PLPPR4: variants seen among roughly 807,000 people sequenced by gnomAD.
PLPPR4 encodes phospholipid phosphatase-related protein type 4.
Under a neutral mutation model 56.6 loss-of-function variants are expected in PLPPR4, and 24 were observed. The ratio of observed to expected loss-of-function variants is 0.42; its 90% confidence interval spans 0.31 to 0.60. The LOEUF (loss-of-function observed/expected upper bound fraction) is 0.60. PLPPR4 is among the 20% of genes least tolerant of loss of function. PLPPR4 has a pLI of 0.13. For synonymous variants in PLPPR4, 326 were observed against 328.1 expected (o/e 0.99, Z 0.07); for missense variants, 654 against 885.8 (o/e 0.74, Z 3.32).
chr1:99,266,207 G>A (rs144458296), intron 1 of PLPPR4, among the ~76,000 whole-genome samples: 212 of 152,310 alleles, frequency 1.4e-3, no homozygotes, highest in African/African-American at 4.7e-3. Context: ...TGGCTAATCC[G>A]TGTAGTTTTG....
At chr1:99,284,576 C>G (rs1659416206) in intron 1 of PLPPR4, among the ~76,000 whole-genome samples, 1 of 151,008 alleles carries the variant, frequency 6.6e-6, no homozygotes, top group African/African-American at 2.4e-5. Context: ...CCACTGCGCC[C>G]AGAGAAAAAA....
intron 1 of PLPPR4, among the ~76,000 whole-genome samples, chr1:99,286,962 A>G (rs1659478347): frequency 6.6e-6 from 1 of 152,150 alleles, no homozygotes; most frequent in African/African-American, 2.4e-5. Flanking sequence ...CAGAATGTGC[A>G]GGTTTGTTAC....
intron 1 of PLPPR4, among the ~76,000 whole-genome samples, chr1:99,266,152 T>C (rs542106545): frequency 6.6e-6 from 1 of 152,346 alleles, no homozygotes; most frequent in Admixed American, 6.5e-5. Context: ...AATAGAAAGA[T>C]GAGATACCTG....
At chr1:99,284,924 A>T (rs368307646) in intron 1 of PLPPR4, among the ~76,000 whole-genome samples, 1 of 152,288 alleles carries the variant, frequency 6.6e-6, no homozygotes, top group South Asian at 2.1e-4. Context: ...AAAAGACTAA[A>T]CCTAGTTTAT....
intron 2 of PLPPR4, among the ~76,000 whole-genome samples, chr1:99,295,623 C>A (rs555790900): frequency 5.3e-5 from 8 of 152,274 alleles, no homozygotes; most frequent in Admixed American, 4.6e-4. Flanking sequence ...CTTTTAGGCA[C>A]AATTATCTCA....
At chr1:99,305,648 T>C in intron 6 of PLPPR4, 37 bp from the exon 7 acceptor site, 3 of 1,581,720 alleles carry the variant, frequency 1.9e-6, no homozygotes, top group Non-Finnish European at 2.6e-6. Context: ...GACTGTCTTC[T>C]AGTGCATGAT....
chr1:99,294,070 C>A (rs190931794), intron 2 of PLPPR4, among the ~76,000 whole-genome samples: 1 of 151,002 alleles, frequency 6.6e-6, no homozygotes, highest in African/African-American at 2.4e-5. Context: ...AATTCTGACA[C>A]CATACCTCAG....
intron 4 of PLPPR4, among the ~76,000 whole-genome samples, chr1:99,300,112 C>T (rs920811105): frequency 1.3e-5 from 2 of 151,922 alleles, no homozygotes; most frequent in South Asian, 4.1e-4. Context: ...GACCTATGTC[C>T]TCTATTTTTT....
chr1:99,292,011 C>T lies in PLPPR4; in HGVS notation c.264+3861C>T, dbSNP rs1456179. Among the ~76,000 whole-genome samples, 905 of 152,048 alleles carry T rather than the reference C, an allele frequency of 6.0e-3. 5 individuals carry two copies. Among genetic ancestry groups the T allele is most frequent in the African/African-American group, 0.02 (825 of 41,448 alleles). ...TGTATCATACTGTCACACCAGAAAGCGCTTATCCTAAAAGTGCTCAAAATT... is the reference window on the plus strand; with the variant it reads ...TGTATCATACTGTCACACCAGAAAGTGCTTATCCTAAAAGTGCTCAAAATT... On this transcript the variant is annotated intron_variant, in intron 2 of 6. Coordinates refer to ENST00000370185, the MANE Select transcript of PLPPR4 (RefSeq NM_014839.5).
chr1:99,271,996 T>C (rs1176268043), intron 1 of PLPPR4, among the ~76,000 whole-genome samples: 4 of 151,492 alleles, frequency 2.6e-5, no homozygotes, highest in Non-Finnish European at 4.4e-5. Context: ...AACATTTTGG[T>C]TTTCTAAGCT....
chr1:99,268,049 G>A (rs1658949835), intron 1 of PLPPR4, among the ~76,000 whole-genome samples: 1 of 152,134 alleles, frequency 6.6e-6, no homozygotes, highest in Non-Finnish European at 1.5e-5. Flanking sequence ...TTAGAGGCAG[G>A]GCTGGGTATT....
intron 2 of PLPPR4, among the ~76,000 whole-genome samples, chr1:99,291,533 A>G (rs1202748550): frequency 6.6e-6 from 1 of 152,204 alleles, no homozygotes; most frequent in African/African-American, 2.4e-5. Context: ...CCTAAATGCC[A>G]ATCAATTATA....
rs1316666645 is a variant in PLPPR4, at chr1:99,306,918, A to G, written c.2056A>G (p.Ile686Val). 1 of 1,614,144 alleles carries G rather than the reference A, an allele frequency of 6.2e-7. No individual in the cohort carries two copies. Residue 686 changes from isoleucine (I) to valine (V), a missense_variant, in exon 7 of 7, where the codon ATC (isoleucine) becomes GTC (valine). By Grantham distance (29) the Ile-to-Val change is conservative. Around this residue, in one of 2 missense-constraint regions of PLPPR4, gnomAD observed 468 missense variants for 554.3 expected, o/e 0.84. Coordinates refer to ENST00000370185, the MANE Select transcript of PLPPR4 (RefSeq NM_014839.5). The surrounding 1 kb of genome is among the most constrained non-coding windows in gnomAD (Gnocchi z 4.0). The part of the protein sequence containing the change: ...RDSTLRRKGN[I>V]ILIPERSNSP... The stretch of plus-strand genomic sequence containing the variant: ...CTCCACCCTGCGGAGAAAGGGCAAT[A>G]TCATTCTAATCCCTGAAAGAAGCAA...
At chr1:99,299,364 T>G in intron 4 of PLPPR4, 134 bp downstream of exon 4, 1 of 674,510 alleles carries the variant, frequency 1.5e-6, no homozygotes, top group Non-Finnish European at 2.5e-6. Flanking sequence ...CAATGATCTC[T>G]TCAATTACTA....
At chr1:99,278,057 G>A (rs913663567) in intron 1 of PLPPR4, among the ~76,000 whole-genome samples, 33 of 151,952 alleles carry the variant, frequency 2.2e-4, no homozygotes, top group African/African-American at 7.7e-4. Context: ...AAATTGTAGG[G>A]TAGCATTAAC....
upstream of PLPPR4, chr1:99,264,470 C>T (rs1405893816): frequency 4.6e-6 from 7 of 1,519,346 alleles, no homozygotes; most frequent in African/African-American, 5.6e-5. Flanking sequence ...CTGGCTCCAG[C>T]GGTGGCCGCG....
intron 1 of PLPPR4, among the ~76,000 whole-genome samples, chr1:99,278,578 C>T (rs373635892): frequency 1.6e-4 from 24 of 152,166 alleles, no homozygotes; most frequent in Middle Eastern, 6.8e-3. Context: ...TAGTCTCTAA[C>T]GGTTTAAAGA....
At chr1:99,268,121 A>G (rs1020166184) in intron 1 of PLPPR4, among the ~76,000 whole-genome samples, 1 of 152,246 alleles carries the variant, frequency 6.6e-6, no homozygotes, top group Non-Finnish European at 1.5e-5. Flanking sequence ...TTGAAAGAAC[A>G]TTCACATAGG....
intron 3 of PLPPR4, 195 bp from the exon 4 acceptor site, chr1:99,298,840 G>A: frequency 3.0e-6 from 2 of 659,234 alleles, no homozygotes; most frequent in South Asian, 3.4e-5. Context: ...CTACTTTGGA[G>A]ATACTCATTG....
Sources: gnomAD v4.1 joint callset for allele counts (sites outside exome capture counted in the v4.1 genomes callset) on GRCh38, gnomAD v4.1.1 for gene constraint, gnomAD v4.1.1 regional missense constraint, Gnocchi (gnomAD v3.1) non-coding constraint, MANE v1.5 for transcripts, NCBI Gene and HGNC (gene_info 2026-07-23, HGNC 2026-07-21) for gene names.